The following UNC13A variants were observed in gnomAD, a reference collection of about 807,000 sequenced individuals.
UNC13A encodes unc-13 homolog A, also known as protein unc-13 homolog A.
In UNC13A, 61 loss-of-function variants were observed where a neutral mutation model predicts 219.7. That is an observed-to-expected ratio of 0.28 (90% CI 0.23 to 0.34). UNC13A has a LOEUF of 0.34. Ranked by LOEUF, UNC13A falls within the 10% of genes least tolerant of loss-of-function variation. The probability of loss-of-function intolerance (pLI) is 1.00; values close to 1 mark genes in which losing one functional copy is unlikely to be tolerated. For missense variants in UNC13A, 1,476 were observed against 2,270.3 expected, an observed-to-expected ratio of 0.65 and a Z score of 7.11; for synonymous variants, 920 against 884.6, an observed-to-expected ratio of 1.04 and a Z score of -0.71.
intron 9 of UNC13A, among the ~76,000 whole-genome samples, chr19:17,657,513 A>G (rs1398582532): frequency 2.6e-5 from 4 of 152,150 alleles, no homozygotes; most frequent in Non-Finnish European, 5.9e-5. Flanking sequence ...GCAGGGGGAC[A>G]TAGGGGCCAC....
At position 17,615,484 on chromosome 19, in the gene UNC13A, G is replaced by T. The variant is rs145976714; in HGVS notation, c.4558+2218C>A. On this transcript the variant is annotated intron_variant, in intron 41 of 43. Transcript: ENST00000519716. ...ACTTGAGGCCAAGAGTTCAAGACCA[G>T]CCTGGCCAACATGGCAAAACCCCGT... 4.3e-3 allele frequency among the ~76,000 whole-genome samples: 648 copies of T among 152,308 alleles called. 9 individuals carry two copies. Among genetic ancestry groups the T allele is most frequent in the African/African-American group, 0.012 (515 of 41,572 alleles).
At chr19:17,641,587 G>A in intron 20 of UNC13A, 31 bp from the exon 21 acceptor site, 1 of 1,609,128 alleles carries the variant, frequency 6.2e-7, no homozygotes, top group Non-Finnish European at 8.5e-7. Flanking sequence ...GTGTCATGGA[G>A]AGTGCAAGGG....
chr19:17,644,381 G>A, intron 19 of UNC13A, among the ~76,000 whole-genome samples: 1 of 151,384 alleles, frequency 6.6e-6, no homozygotes, highest in East Asian at 1.9e-4. Flanking sequence ...GGAGACAAAG[G>A]CCTTGTTATG....
At chr19:17,624,492 C>G (rs935796421) in intron 35 of UNC13A, among the ~76,000 whole-genome samples, 1 of 152,190 alleles carries the variant, frequency 6.6e-6, no homozygotes, top group South Asian at 2.1e-4. Context: ...TGACCTCTGA[C>G]CTTTGAAAGC....
At position 17,641,466 on chromosome 19, in the gene UNC13A, C is replaced by A. The variant is rs746528494; in HGVS notation, c.2563G>T (p.Asp855Tyr). The A allele has an allele frequency of 6.2e-7, 1 of 1,614,046 alleles. No individual in the cohort carries two copies. Among genetic ancestry groups the A allele is most frequent in the Non-Finnish European group, 8.5e-7 (1 of 1,180,038 alleles). Residue 855 changes from aspartate (D) to tyrosine (Y), a missense_variant, in exon 21 of 44, where the codon GAT becomes TAT. Physicochemically the swap from Asp to Tyr is radical, Grantham distance 160. This residue lies in a region of UNC13A where 140 missense variants were observed against 270.9 expected (regional missense o/e 0.52). Transcript: ENST00000519716. ...TCCACAATCTCCTGGGCTGTCTCAT[C>A]GTAGTAAACCTTCCAGGCATCGTCA... ...KGDDAWKVYY[D>Y]ETAQEIVDEF...
chr19:17,633,329 C>A (rs2076877464), intron 26 of UNC13A, 136 bp from the exon 27 acceptor site: 2 of 698,996 alleles, frequency 2.9e-6, no homozygotes, highest in East Asian at 2.7e-5. Flanking sequence ...ATAGCCACTG[C>A]TGACTGACTC....
intron 42 of UNC13A, among the ~76,000 whole-genome samples, chr19:17,611,286 C>A (rs1018749215): frequency 6.6e-6 from 1 of 152,130 alleles, no homozygotes; most frequent in African/African-American, 2.4e-5. Context: ...CGGGTTCAAG[C>A]GATCCTCCCA....
chr19:17,639,148 A>T lies in UNC13A; in HGVS notation c.3016T>A (p.Ser1006Thr). 6.2e-7 allele frequency: 1 copy of T among 1,613,824 alleles called. No individual in the cohort carries two copies. Among genetic ancestry groups the T allele is most frequent in the East Asian group, 2.2e-5 (1 of 44,862 alleles). ...VKDCVKACLN[S>T]TYEYIFNNCH... ...TTATTGAAGATGTACTCGTAGGTAGAATTAAGGCAGGCTTTCACACAGTCC... is the reference window on the plus strand; with the variant it reads ...TTATTGAAGATGTACTCGTAGGTAGTATTAAGGCAGGCTTTCACACAGTCC... The change falls in exon 25 of 44, where the codon TCT becomes ACT. Residue 1006 changes from serine (S) to threonine (T), a missense_variant. By Grantham distance (58) the Ser-to-Thr change is moderately conservative. Coordinates refer to ENST00000519716, the MANE Select transcript of UNC13A (RefSeq NM_001080421.3).
At chr19:17,672,276 G>A (rs563691810) in intron 4 of UNC13A, 102 bp downstream of exon 4, 1 of 914,140 alleles carries the variant, frequency 1.1e-6, no homozygotes, top group South Asian at 1.4e-5. Context: ...CATTGATGTT[G>A]TCAGGGGATA....
chr19:17,630,856 C>G lies in UNC13A; in HGVS notation c.3429-106G>C, dbSNP rs1024275512. On this transcript the variant is annotated intron_variant, in intron 28 of 43. Coordinates refer to ENST00000519716, the MANE Select transcript of UNC13A (RefSeq NM_001080421.3). ...GAGTGGAGCTATGGCTGCTCCTGCT[C>G]TGCCTGGAGCTCTCCCTGCAGCCTT... 7.4e-6 allele frequency: 7 copies of G among 950,784 alleles called. No individual in the cohort carries two copies. The African/African-American group carries it at 1.2e-4, about 16-fold the overall frequency. 58.9% of individuals were successfully genotyped at this position (950,784 alleles called of 1,614,324 possible).
At chr19:17,620,099 C>A (rs1234977917) in intron 38 of UNC13A, among the ~76,000 whole-genome samples, 1 of 152,176 alleles carries the variant, frequency 6.6e-6, no homozygotes, top group African/African-American at 2.4e-5. Flanking sequence ...TGCTGGATGG[C>A]CCCAGGCTTG....
chr19:17,631,203 C>CTTCCTTCCTT (rs2076848746), intron 28 of UNC13A, among the ~76,000 whole-genome samples: 1 of 65,090 alleles, frequency 1.5e-5, no homozygotes, highest in East Asian at 3.4e-4. Context: ...TCCCTCCCTC[C>CTTCCTTCCTT]CTTCCTTCCT....
At chr19:17,677,581 G>C (rs762174627) in intron 1 of UNC13A, among the ~76,000 whole-genome samples, 7 of 152,066 alleles carry the variant, frequency 4.6e-5, no homozygotes, top group Non-Finnish European at 1.0e-4. Flanking sequence ...CGGCCAGGCT[G>C]GTCTCAAACT....
intron 41 of UNC13A, chr19:17,616,357 C>G: frequency 1.5e-6 from 1 of 684,752 alleles, no homozygotes; most frequent in Non-Finnish European, 2.7e-6. Context: ...AGGAGGGGCG[C>G]AGGCACCGGG....
intron 8 of UNC13A, among the ~76,000 whole-genome samples, chr19:17,661,568 C>T (rs1398689460): frequency 6.6e-6 from 1 of 151,784 alleles, no homozygotes; most frequent in African/African-American, 2.4e-5. Context: ...GTGGCGTGCA[C>T]CTGTAATCCC....
chr19:17,623,049 G>T, intron 36 of UNC13A: 1 of 154,960 alleles, frequency 6.5e-6, no homozygotes, highest in East Asian at 1.9e-4. Context: ...AGGGTGGTGG[G>T]GTACCAAGGA....
chr19:17,608,618 C>T (rs948450359), intron 43 of UNC13A, among the ~76,000 whole-genome samples: 6 of 147,282 alleles, frequency 4.1e-5, no homozygotes, highest in Admixed American at 6.9e-5. Context: ...CCCGGGTTCA[C>T]GCCATTCTCC....
At chr19:17,650,784 C>T (rs774274675) in intron 12 of UNC13A, among the ~76,000 whole-genome samples, 16 of 151,568 alleles carry the variant, frequency 1.1e-4, no homozygotes, top group African/African-American at 1.7e-4. Flanking sequence ...AGCCATCTTT[C>T]GAAACAAGAT....
At chr19:17,628,383 GAC>G in intron 31 of UNC13A, 1 of 197,498 alleles carries the variant, frequency 5.1e-6, no homozygotes, top group Non-Finnish European at 1.0e-5. Flanking sequence ...TGCACAGCCA[GAC>G]ACAGCCATAG....
Sources: allele counts gnomAD v4.1 joint callset (sites outside exome capture counted in the v4.1 genomes callset), GRCh38; gene constraint gnomAD v4.1.1; regional missense constraint gnomAD v4.1.1; transcripts MANE v1.5; gene names NCBI Gene and HGNC (gene_info 2026-07-23, HGNC 2026-07-21).